Variants in NUS1 observed in about 807,000 individuals in gnomAD.
The protein encoded by NUS1 is NUS1 dehydrodolichyl diphosphate synthase subunit.
For synonymous variants in NUS1, 135 were observed against 155.2 expected (o/e 0.87, Z 0.97); for missense variants, 292 against 382.9 (o/e 0.76, Z 1.98).
At chr6:117,694,587 G>T (rs1773288930) in intron 3 of NUS1, among the ~76,000 whole-genome samples, 1 of 151,990 alleles carries the variant, frequency 6.6e-6, no homozygotes. Flanking sequence ...CTGTTACCAT[G>T]ATTCCTTTTT....
At chr6:117,689,026 A>G (rs559248267) in intron 1 of NUS1, among the ~76,000 whole-genome samples, 157 of 152,294 alleles carry the variant, frequency 1.0e-3, no homozygotes, top group Admixed American at 2.8e-3. Flanking sequence ...CTGAGGAATA[A>G]TCTTTATTTA....
chr6:117,704,059 A>G (rs1200332788), intron 4 of NUS1, among the ~76,000 whole-genome samples: 2 of 152,204 alleles, frequency 1.3e-5, no homozygotes, highest in Non-Finnish European at 2.9e-5. Context: ...TTAAAGAAAT[A>G]AGGAACTAGC....
rs552945466 is a variant in NUS1, at chr6:117,703,588, A to G, written c.692-17A>G. 1 of 1,574,188 alleles carries G rather than the reference A, an allele frequency of 6.4e-7. No homozygotes were observed. Among genetic ancestry groups the G allele is most frequent in the South Asian group, 1.1e-5 (1 of 90,228 alleles). On this transcript the variant is annotated splice_polypyrimidine_tract_variant and intron_variant, in intron 3 of 4. Coordinates refer to ENST00000368494, the MANE Select transcript of NUS1 (RefSeq NM_138459.5). ...TGCAGTGCATGTTAAGTTCATGTGT[A>G]TTTATTTATTTCCAAGGTTCAAATG...
intron 1 of NUS1, among the ~76,000 whole-genome samples, chr6:117,689,929 G>C (rs761692890): frequency 6.6e-6 from 1 of 152,140 alleles, no homozygotes; most frequent in Non-Finnish European, 1.5e-5. Flanking sequence ...ATATAATACA[G>C]ACCAAAGTGT....
At chr6:117,687,741 A>C (rs962802773) in intron 1 of NUS1, among the ~76,000 whole-genome samples, 8 of 152,370 alleles carry the variant, frequency 5.3e-5, no homozygotes, top group African/African-American at 1.7e-4. Context: ...TTCAACAAGC[A>C]TGGAAGCATA....
chr6:117,679,126 A>C (rs1224930884), intron 1 of NUS1, among the ~76,000 whole-genome samples: 1 of 152,224 alleles, frequency 6.6e-6, no homozygotes, highest in Non-Finnish European at 1.5e-5. Flanking sequence ...TTTCCACTCA[A>C]GTAAGGATGT....
intron 3 of NUS1, among the ~76,000 whole-genome samples, chr6:117,696,195 A>T (rs910855001): frequency 6.6e-6 from 1 of 152,104 alleles, no homozygotes; most frequent in Non-Finnish European, 1.5e-5. Context: ...AAGCAGAAGA[A>T]AGTTACAAGC....
At chr6:117,687,825 T>G (rs1436631740) in intron 1 of NUS1, among the ~76,000 whole-genome samples, 2 of 152,194 alleles carry the variant, frequency 1.3e-5, no homozygotes, top group Non-Finnish European at 2.9e-5. Flanking sequence ...TTTAAGATAC[T>G]GAAGTTGGAA....
Position 117,675,510 on chromosome 6 carries a change from C to G in NUS1, c.-161C>G. ...GGCTGCCAAGGGAGGAGGAAGATGGCGGCGGGGGCGAGGTGAGGTGTTGGC... is the reference window on the plus strand; with the variant it reads ...GGCTGCCAAGGGAGGAGGAAGATGGGGGCGGGGGCGAGGTGAGGTGTTGGC... On this transcript the variant is annotated 5_prime_UTR_variant, in exon 1 of 5. Transcript: ENST00000368494. The G allele has an allele frequency of 1.5e-6, 1 of 661,256 alleles. No individual in the cohort carries two copies. The highest frequency in any genetic ancestry group is 2.5e-6 in the Non-Finnish European group (1 of 398,912). 41.0% of individuals were successfully genotyped at this position (661,256 alleles called of 1,614,324 possible).
intron 1 of NUS1, among the ~76,000 whole-genome samples, chr6:117,688,418 T>A (rs1036887314): frequency 2.0e-5 from 3 of 151,646 alleles, no homozygotes; most frequent in African/African-American, 7.3e-5. Context: ...TACTGATGGC[T>A]TTTTTAGAAA....
intron 3 of NUS1, among the ~76,000 whole-genome samples, chr6:117,697,753 A>G (rs1232067467): frequency 1.3e-5 from 2 of 151,866 alleles, no homozygotes; most frequent in Non-Finnish European, 2.9e-5. Flanking sequence ...CTAGACAGAT[A>G]GAGACAGAAA....
rs1479804878 is a variant in NUS1 at position 117,710,579 on chromosome 6, A to G, written c.*3564A>G. ...CGAGAATTTTTTGTACTATATTTTA[A>G]AAAATGTATTCTACTGTAACAAGTT... On this transcript the variant is annotated 3_prime_UTR_variant, in exon 5 of 5. Transcript: ENST00000368494. 6.6e-6 allele frequency: 1 copy of G among 152,144 alleles called. No homozygotes were observed. The highest frequency in any genetic ancestry group is 1.5e-5 in the Non-Finnish European group (1 of 68,002). The allele number at this position is 152,144 out of a possible 1,614,324, so 9.4% of individuals were successfully genotyped here.
intron 3 of NUS1, among the ~76,000 whole-genome samples, chr6:117,698,605 A>G (rs755604050): frequency 6.6e-6 from 1 of 152,084 alleles, no homozygotes; most frequent in Non-Finnish European, 1.5e-5. Context: ...AAGAAGAACT[A>G]ATACCAATTC....
rs1269618358 is a variant in NUS1, at chr6:117,675,866, C to T, written c.196C>T (p.Arg66Cys). The T allele has an allele frequency of 1.3e-6, 2 of 1,532,954 alleles. No individual in the cohort carries two copies. The highest frequency in any genetic ancestry group is 1.2e-5 in the South Asian group (1 of 82,040). The allele number at this position is 1,532,954 out of a possible 1,614,324, so 95.0% of individuals were successfully genotyped here. Residue 66 changes from arginine to cysteine, a missense_variant, in exon 1 of 5, where the codon CGC (arginine) becomes TGC (cysteine). Physicochemically the swap from Arg to Cys is radical, Grantham distance 180. Transcript: ENST00000368494. ...LRKPPAVGRN[R>C]RHHRHPRGGS... ...CAAGCCCCCGGCAGTCGGCAGGAAC[C>T]GCCGTCACCACCGGCACCCGCGCGG...
chr6:117,697,460 A>G (rs1459449749), intron 3 of NUS1, among the ~76,000 whole-genome samples: 1 of 152,128 alleles, frequency 6.6e-6, no homozygotes, highest in Non-Finnish European at 1.5e-5. Flanking sequence ...AGGGATGGAA[A>G]AAGATATTTT....
intron 1 of NUS1, among the ~76,000 whole-genome samples, chr6:117,680,259 T>C (rs1773040290): frequency 6.6e-6 from 1 of 152,230 alleles, no homozygotes; most frequent in African/African-American, 2.4e-5. Flanking sequence ...TTGGCTGTTC[T>C]GTCTATATGA....
intron 2 of NUS1, 68 bp from the exon 3 acceptor site, chr6:117,693,963 T>C: frequency 6.5e-7 from 1 of 1,536,938 alleles, no homozygotes. Flanking sequence ...TTGTATTTCT[T>C]AAAACTGCTT....
chr6:117,688,707 A>T (rs938770647), intron 1 of NUS1, among the ~76,000 whole-genome samples: 1 of 152,206 alleles, frequency 6.6e-6, no homozygotes, highest in African/African-American at 2.4e-5. Flanking sequence ...TCGGATGCCT[A>T]CAGAACTTCA....
chr6:117,703,741 C>A, intron 4 of NUS1, 37 bp downstream of exon 4: 1 of 1,422,384 alleles, frequency 7.0e-7, no homozygotes, highest in Non-Finnish European at 1.0e-6. Context: ...TGTTTAGATT[C>A]AGCAAGTGTT....
Sources: allele counts gnomAD v4.1 joint callset (sites outside exome capture counted in the v4.1 genomes callset), GRCh38; gene constraint gnomAD v4.1.1; transcripts MANE v1.5; gene names NCBI Gene and HGNC (gene_info 2026-07-23, HGNC 2026-07-21).